Variants in COL1A1 observed in about 807,000 individuals in gnomAD.
COL1A1 encodes collagen type I alpha 1 chain.
In COL1A1, 21 loss-of-function variants were observed where a neutral mutation model predicts 195.7. That is an observed-to-expected ratio of 0.11 (90% CI 0.08 to 0.15). The LOEUF is 0.15. Among genes scored for constraint, COL1A1 ranks in the 10% least tolerant of loss-of-function variants. The pLI, the probability that COL1A1 is intolerant of heterozygous loss-of-function variation, is 1.00. For missense variants in COL1A1, 1,365 were observed against 2,051.0 expected (o/e 0.67, Z 6.46); for synonymous variants, 749 against 747.3 (o/e 1.00, Z -0.04).
rs549195968 is a variant in COL1A1 at position 50,200,051 on chromosome 17, C to T, written c.104-104G>A. The T allele has an allele frequency of 4.2e-5, 51 of 1,207,736 alleles. No individual in the cohort carries two copies. In the African/African-American group the frequency reaches 6.6e-4, roughly 16 times the overall value. The allele number at this position is 1,207,736 out of a possible 1,614,324, so 74.8% of individuals were successfully genotyped here. ...GCACACTTGGATTTTTCACTTCCCGCCCCTCCCCCCGTTCTTCTTTCCTCA... is the reference window on the plus strand; with the variant it reads ...GCACACTTGGATTTTTCACTTCCCGTCCCTCCCCCCGTTCTTCTTTCCTCA... On this transcript the variant is annotated intron_variant, in intron 1 of 50. Transcript: ENST00000225964.
At position 50,195,890 on chromosome 17, in the gene COL1A1, G is replaced by A. The variant is rs766838307; in HGVS notation, c.1056+33C>T. ...GAGACATGAACCCCTTGGCCCATGA[G>A]GGTCATGCTTAGAGGAGAGTGGGGG... On this transcript the variant is annotated intron_variant, in intron 16 of 50. Coordinates refer to ENST00000225964, the MANE Select transcript of COL1A1 (RefSeq NM_000088.4). This position sits in a 1 kb window ranked among gnomAD's most constrained non-coding sequence, Gnocchi z 4.3. 8 of 1,561,454 alleles carry A rather than the reference G, an allele frequency of 5.1e-6. No homozygotes were observed. Among genetic ancestry groups the A allele is most frequent in the Non-Finnish European group, 6.9e-6 (8 of 1,152,102 alleles).
rs1412394417 is a variant in COL1A1, at chr17:50,190,873, G to A, written c.2287C>T (p.Arg763Cys). The A allele has an allele frequency of 6.2e-7, 1 of 1,613,934 alleles. No homozygotes were observed. The highest frequency in any genetic ancestry group is 8.5e-7 in the Non-Finnish European group (1 of 1,179,880). ...ADGSPGKDGV[R>C]GLTGPIGPPG... Reference sequence around the variant, plus strand: ...GGACCAATGGGGCCAGTCAGACCACGGACGCCATCTTTGCCAGGAGAGCCA... The same window carrying A: ...GGACCAATGGGGCCAGTCAGACCACAGACGCCATCTTTGCCAGGAGAGCCA... The change falls in exon 33 of 51, where the codon CGT becomes TGT. Residue 763 changes from arginine to cysteine, a missense_variant. By Grantham distance (180) the Arg-to-Cys change is radical. Transcript: ENST00000225964. This position sits in a 1 kb window ranked among gnomAD's most constrained non-coding sequence, Gnocchi z 4.7.
In COL1A1 at chr17:50,190,364, G is replaced by A. The variant is rs145307365; in HGVS notation, c.2414C>T (p.Pro805Leu). 1.8e-4 allele frequency: 294 copies of A among 1,610,490 alleles called. No individual in the cohort carries two copies. Among genetic ancestry groups the A allele is most frequent in the Non-Finnish European group, 1.0e-5 (12 of 1,177,366 alleles). ...AAAGCCAGCAGGGCCGGGGGGACCA[G>A]GCTCACCACGGTCTCCCTAGAAGAA... ...ARGAPGDRGE[P>L]GPPGPAGFAG... The change falls in exon 35 of 51, where the codon CCT becomes CTT. Residue 805 changes from proline (P) to leucine (L), a missense_variant. Physicochemically the swap from Pro to Leu is moderately conservative, Grantham distance 98 (BLOSUM62 -3). Coordinates refer to ENST00000225964, the MANE Select transcript of COL1A1 (RefSeq NM_000088.4). This position sits in a 1 kb window ranked among gnomAD's most constrained non-coding sequence, Gnocchi z 4.7.
Position 50,188,805 on chromosome 17 carries a change from G to A in COL1A1, c.3046-10C>T, listed in dbSNP as rs749297646. On this transcript the variant is annotated splice_polypyrimidine_tract_variant and intron_variant, in intron 41 of 50. Transcript: ENST00000225964. This position sits in a 1 kb window ranked among gnomAD's most constrained non-coding sequence, Gnocchi z 5.6. ...CGGCACCAGGAGCCCCCTGCAGAGA[G>A]AGAGAGAGAGAAGTGAGAGTCAGCC... 6.2e-7 allele frequency: 1 copy of A among 1,611,164 alleles called. No homozygotes were observed. Among genetic ancestry groups the A allele is most frequent in the Non-Finnish European group, 8.5e-7 (1 of 1,177,486 alleles).
In COL1A1 at chr17:50,197,201, C is replaced by T; in HGVS notation, c.729G>A (p.Glu243=). Residue 243 remains glutamate (E), a synonymous_variant, in exon 10 of 51, where the codon GAG becomes GAA. Coordinates refer to ENST00000225964, the MANE Select transcript of COL1A1 (RefSeq NM_000088.4). The stretch of plus-strand genomic sequence containing the variant: ...TCACCTGAGGCCCAGGAGGCCCACG[C>T]TCACCAGGACGACCAGGTTTTCCAG... The part of the protein sequence containing the change: ...GEAGKPGRPG[E]RGPPGPQGAR... 6.2e-7 allele frequency: 1 copy of T among 1,613,466 alleles called. No homozygotes were observed. The highest frequency in any genetic ancestry group is 8.5e-7 in the Non-Finnish European group (1 of 1,180,038).
rs193922153 is a variant in COL1A1, at chr17:50,189,173, G to A, written c.2932C>T (p.Pro978Ser). The A allele has an allele frequency of 3.4e-4, 548 of 1,613,678 alleles. 1 individual carries two copies. The highest frequency in any genetic ancestry group is 4.0e-4 in the Non-Finnish European group (469 of 1,179,878). Residue 978 changes from proline to serine, a missense_variant, in exon 40 of 51, where the codon CCC (proline) becomes TCC (serine). Physicochemically the swap from Pro to Ser is moderately conservative, Grantham distance 74. This residue lies in a region of COL1A1 where 671 missense variants were observed against 1,099.9 expected (regional missense o/e 0.61). Coordinates refer to ENST00000225964, the MANE Select transcript of COL1A1 (RefSeq NM_000088.4). The surrounding 1 kb of genome is among the most constrained non-coding windows in gnomAD (Gnocchi z 5.5). ...AAGGTGAGGGGGGCACTTACAGAGG[G>A]GCCAGGAAGACCAGGGAAGCCTCTC... ...GERGFPGLPG[P>S]SGEPGKQGPS...
intron 15 of COL1A1, 33 bp from the exon 16 acceptor site, chr17:50,196,009 A>T: frequency 6.3e-7 from 1 of 1,598,630 alleles, no homozygotes; most frequent in South Asian, 1.1e-5. Context: ...AGCGAGAAGG[A>T]AGAGATGGCA....
Position 50,199,772 on chromosome 17 carries a change from G to T in COL1A1, c.279C>A (p.Pro93=). ...CCGCACCTGAGCCGTCGGGGCAGAC[G>T]GGACAGCACTCGCCCTCGGGGACTT... ...GAEVPEGECC[P]VCPDGSESPT... Residue 93 remains proline, a synonymous_variant, in exon 2 of 51, where the codon CCC becomes CCA. Coordinates refer to ENST00000225964, the MANE Select transcript of COL1A1 (RefSeq NM_000088.4). 2 of 1,613,160 alleles carry T rather than the reference G, an allele frequency of 1.2e-6. No homozygotes were observed. Among genetic ancestry groups the T allele is most frequent in the Non-Finnish European group, 1.7e-6 (2 of 1,179,928 alleles).
At chr17:50,187,258 A>G (rs1906637224) in intron 46 of COL1A1, 136 bp from the exon 47 acceptor site, 3 of 862,250 alleles carry the variant, frequency 3.5e-6, no homozygotes, top group Non-Finnish European at 5.6e-6. Flanking sequence ...TTTCCATAGG[A>G]CATGCCATAG....
rs72667032 is a variant in COL1A1, at chr17:50,197,978, G to C, written c.613C>G (p.Pro205Ala). 8,021 of 1,614,078 alleles carry C rather than the reference G, an allele frequency of 5.0e-3. 27 individuals are homozygous for C. The highest frequency in any genetic ancestry group is 5.9e-3 in the Non-Finnish European group (6,925 of 1,179,996). Residue 205 changes from proline to alanine, a missense_variant, in exon 8 of 51, where the codon CCT (proline) becomes GCT (alanine). Transcript: ENST00000225964. ...GCTCCAGGCTCGCCAGGCTCACCAG[G>C]GGGACCTTGGAAGCCTTGGGGACCC... ...APGPQGFQGP[P>A]GEPGEPGASG...
Position 50,187,949 on chromosome 17 carries a change from G to C in COL1A1, c.3296C>G (p.Thr1099Arg). The C allele has an allele frequency of 6.2e-7, 1 of 1,614,094 alleles. No individual in the cohort carries two copies. Among genetic ancestry groups the C allele is most frequent in the East Asian group, 2.2e-5 (1 of 44,878 alleles). ...PQGPRGDKGE[T>R]GEQGDRGIKG... Reference sequence around the variant, plus strand: ...TATGCCTCTGTCGCCCTGTTCGCCTGTCTCACCCTTGTCACCACGGGGGCC... The same window carrying C: ...TATGCCTCTGTCGCCCTGTTCGCCTCTCTCACCCTTGTCACCACGGGGGCC... Residue 1099 changes from threonine (T) to arginine (R), a missense_variant, in exon 45 of 51, where the codon ACA (threonine) becomes AGA (arginine). Around this residue, in one of 5 missense-constraint regions of COL1A1, gnomAD observed 671 missense variants for 1,099.9 expected, o/e 0.61. Transcript: ENST00000225964.
chr17:50,188,317 G>A lies in COL1A1; in HGVS notation c.3208-168C>T. 4.7e-6 allele frequency: 4 copies of A among 848,534 alleles called. No homozygotes were observed. The highest frequency in any genetic ancestry group is 7.3e-6 in the Non-Finnish European group (4 of 549,034). 52.6% of individuals were successfully genotyped at this position (848,534 alleles called of 1,614,324 possible). On this transcript the variant is annotated intron_variant, in intron 43 of 50. Coordinates refer to ENST00000225964, the MANE Select transcript of COL1A1 (RefSeq NM_000088.4). This position sits in a 1 kb window ranked among gnomAD's most constrained non-coding sequence, Gnocchi z 5.6. ...CCCCACTGCAATCTTCACGGGAGCT[G>A]GGGCCAACTCATGGGAGAGGCGGTC...
At position 50,188,372 on chromosome 17, in the gene COL1A1, CT is replaced by C. The variant is rs1336211005; in HGVS notation, c.3207+157del. On this transcript the variant is annotated intron_variant, in intron 43 of 50. Coordinates refer to ENST00000225964, the MANE Select transcript of COL1A1 (RefSeq NM_000088.4). The surrounding 1 kb of genome is among the most constrained non-coding windows in gnomAD (Gnocchi z 5.6). ...CTGGGAGAGGGGACTTGGGGCTGAGCTTTAACTCAGTTTTTTGGATTAAGGC... is the reference window on the plus strand; with the variant it reads ...CTGGGAGAGGGGACTTGGGGCTGAGCTTAACTCAGTTTTTTGGATTAAGGC... 1 of 880,538 alleles carries C rather than the reference CT, an allele frequency of 1.1e-6. No homozygotes were observed. The highest frequency in any genetic ancestry group is 1.7e-5 in the African/African-American group (1 of 59,864). 54.5% of individuals were successfully genotyped at this position (880,538 alleles called of 1,614,324 possible).
Position 50,192,704 on chromosome 17 carries a change from A to T in COL1A1, c.1876-11T>A. ...CTCGCCAGCGGGACCCTGCACAGAGAGAACACTACAGTCACGGGGAGGCCG... is the reference window on the plus strand; with the variant it reads ...CTCGCCAGCGGGACCCTGCACAGAGTGAACACTACAGTCACGGGGAGGCCG... On this transcript the variant is annotated splice_polypyrimidine_tract_variant and intron_variant, in intron 27 of 50. Transcript: ENST00000225964. 1 of 1,614,144 alleles carries T rather than the reference A, an allele frequency of 6.2e-7. No individual in the cohort carries two copies. Among genetic ancestry groups the T allele is most frequent in the East Asian group, 2.2e-5 (1 of 44,882 alleles).
Position 50,194,557 on chromosome 17 carries a change from C to A in COL1A1, c.1515+16G>T, listed in dbSNP as rs745582193. ...GGAGCGGCAGGGTCAGCCCCCCGGC[C>A]GCAAGGAGAGGTTACCTTGGGACCA... On this transcript the variant is annotated intron_variant, in intron 22 of 50. Transcript: ENST00000225964. This position sits in a 1 kb window ranked among gnomAD's most constrained non-coding sequence, Gnocchi z 6.8. The A allele has an allele frequency of 1.3e-5, 20 of 1,598,244 alleles. No individual in the cohort carries two copies. The highest frequency in any genetic ancestry group is 1.4e-5 in the Non-Finnish European group (17 of 1,172,478).
rs752657162 is a variant in COL1A1, at chr17:50,194,209, G to A, written c.1615-26C>T. The stretch of plus-strand genomic sequence containing the variant: ...CTAGGGAGGCAGAGAGGTATGAGTG[G>A]GACTTGGGGAGAAGCATGATGGAGG... On this transcript the variant is annotated intron_variant, in intron 23 of 50. Coordinates refer to ENST00000225964, the MANE Select transcript of COL1A1 (RefSeq NM_000088.4). The surrounding 1 kb of genome is among the most constrained non-coding windows in gnomAD (Gnocchi z 6.8). 4 of 1,612,460 alleles carry A rather than the reference G, an allele frequency of 2.5e-6. No homozygotes were observed. In the South Asian group the frequency reaches 3.3e-5, roughly 13 times the overall value.
chr17:50,198,322 G>A, intron 6 of COL1A1, 111 bp downstream of exon 6: 2 of 1,541,952 alleles, frequency 1.3e-6, no homozygotes, highest in Non-Finnish European at 1.8e-6. Flanking sequence ...TGGACTCTGA[G>A]GTCCCAAAGG....
rs1226717958 is a variant in COL1A1 at position 50,189,832 on chromosome 17, C to T, written c.2613+27G>A. The stretch of plus-strand genomic sequence containing the variant: ...CCGCTGCCTGGGGAGAGGGGAGAGG[C>T]TCAACAGAGAGGCGGGTGATACTCA... On this transcript the variant is annotated intron_variant, in intron 37 of 50. Coordinates refer to ENST00000225964, the MANE Select transcript of COL1A1 (RefSeq NM_000088.4). This position sits in a 1 kb window ranked among gnomAD's most constrained non-coding sequence, Gnocchi z 5.5. 6.2e-7 allele frequency: 1 copy of T among 1,612,598 alleles called. No homozygotes were observed. The highest frequency in any genetic ancestry group is 8.5e-7 in the Non-Finnish European group (1 of 1,179,280).
At chr17:50,187,713 C>G in intron 45 of COL1A1, 163 bp downstream of exon 45, 1 of 906,544 alleles carries the variant, frequency 1.1e-6, no homozygotes, top group Non-Finnish European at 1.7e-6. Flanking sequence ...CTGTGTACCC[C>G]TCACCCTCTC....
Sources: gnomAD v4.1 joint callset for allele counts on GRCh38, gnomAD v4.1.1 for gene constraint, gnomAD v4.1.1 regional missense constraint, Gnocchi (gnomAD v3.1) non-coding constraint, MANE v1.5 for transcripts, NCBI Gene and HGNC (gene_info 2026-07-23, HGNC 2026-07-21) for gene names.